The following FAR2 variants were observed in gnomAD, a reference collection of about 807,000 sequenced individuals.
FAR2 encodes epididymis secretory protein Li 81.
FAR2 carries 19 observed loss-of-function variants against 56.0 expected under a neutral mutation model. The observed-to-expected ratio is 0.34, with a 90% CI of 0.24 to 0.50. FAR2 has a LOEUF of 0.50. Among genes scored for constraint, FAR2 ranks in the 20% least tolerant of loss-of-function variants. FAR2 has a pLI of 0.98. For synonymous variants in FAR2, 219 were observed against 218.8 expected (o/e 1.00, Z -0.01); for missense variants, 508 against 642.2 (o/e 0.79, Z 2.26).
chr12:29,303,411 T>C (rs189730339), intron 4 of FAR2, among the ~76,000 whole-genome samples: 159 of 152,334 alleles, frequency 1.0e-3, no homozygotes, highest in African/African-American at 3.6e-3. Context: ...TTGCCTCCTG[T>C]TGTCTTTCAG....
At chr12:29,332,807 G>A (rs1220600437) in intron 11 of FAR2, 80 bp downstream of exon 11, 2 of 1,341,680 alleles carry the variant, frequency 1.5e-6, no homozygotes, top group East Asian at 5.0e-5. Context: ...TTTGTGCAGA[G>A]GAGAATGAAC....
chr12:29,309,271 A>G lies in FAR2; in HGVS notation c.768+41A>G, dbSNP rs376827133. ...AAGAAATAACTCCCTGAAATGTAGT[A>G]GAGAAATAGTAACAAAATTCTTAGT... On this transcript the variant is annotated intron_variant, in intron 6 of 11. Transcript: ENST00000536681. The G allele has an allele frequency of 1.9e-4, 286 of 1,471,530 alleles. 2 individuals are homozygous for G. Among genetic ancestry groups the G allele is most frequent in the Non-Finnish European group, 2.4e-4 (253 of 1,062,934 alleles). 91.2% of individuals were successfully genotyped at this position (1,471,530 alleles called of 1,614,324 possible).
chr12:29,326,818 A>T (rs1949655900), intron 10 of FAR2, among the ~76,000 whole-genome samples: 5 of 152,148 alleles, frequency 3.3e-5, no homozygotes, highest in Admixed American at 3.3e-4. Context: ...CAAAAACTGG[A>T]AGCATTCCCT....
At chr12:29,181,998 C>T (rs1949996794) in intron 1 of FAR2, among the ~76,000 whole-genome samples, 2 of 152,146 alleles carry the variant, frequency 1.3e-5, no homozygotes, top group South Asian at 4.1e-4. Context: ...TACATGTAAT[C>T]TTAGGAAAAT....
intron 2 of FAR2, among the ~76,000 whole-genome samples, chr12:29,274,523 T>C (rs1317998701): frequency 2.0e-5 from 3 of 152,110 alleles, no homozygotes; most frequent in Non-Finnish European, 2.9e-5. Flanking sequence ...TGTGTCTTTA[T>C]AGCAGCATGA....
At chr12:29,230,815 G>A (rs555019526) in intron 1 of FAR2, among the ~76,000 whole-genome samples, 5 of 152,270 alleles carry the variant, frequency 3.3e-5, no homozygotes, top group African/African-American at 1.2e-4. Flanking sequence ...CACTGAGATA[G>A]GGAGAATGGT....
rs1591908400 is a variant in FAR2 at position 29,265,254 on chromosome 12, T to A, written c.-38-5158T>A. On this transcript the variant is annotated intron_variant, in intron 1 of 11. Coordinates refer to ENST00000536681, the MANE Select transcript of FAR2 (RefSeq NM_001271783.2). ...GGCAAAAAGAATAAAACTGGAGGAA[T>A]CACATTGCCTGACTTCAAATTATAC... Among the ~76,000 whole-genome samples the A allele has an allele frequency of 5.3e-5, 8 of 152,258 alleles. 1 individual carries two copies. Among genetic ancestry groups the A allele is most frequent in the Admixed American group, 5.2e-4 (8 of 15,302 alleles).
chr12:29,184,228 A>G (rs906203523), intron 1 of FAR2, among the ~76,000 whole-genome samples: 23 of 152,142 alleles, frequency 1.5e-4, no homozygotes, highest in African/African-American at 4.1e-4. Context: ...ACAGAAATCA[A>G]TTTGAATCTG....
At chr12:29,158,559 A>C (rs900252276) in intron 1 of FAR2, among the ~76,000 whole-genome samples, 1 of 152,222 alleles carries the variant, frequency 6.6e-6, no homozygotes, top group Non-Finnish European at 1.5e-5. Context: ...GCCGGAGGCA[A>C]TGGTTATGCA....
intron 1 of FAR2, among the ~76,000 whole-genome samples, chr12:29,264,616 A>AAAATAAATAAATAAATAAATAAAT (rs148784734): frequency 7.7e-6 from 1 of 130,090 alleles, no homozygotes; most frequent in Admixed American, 7.8e-5. Flanking sequence ...ATCCTGTCTC[A>AAAATAAATAAATAAATAAATAAAT]AAATAAATAA....
At chr12:29,290,868 G>A (rs958448322) in intron 2 of FAR2, among the ~76,000 whole-genome samples, 12 of 152,308 alleles carry the variant, frequency 7.9e-5, no homozygotes, top group African/African-American at 2.6e-4. Context: ...GCAAGTGGGA[G>A]GGGGTGGATG....
intron 1 of FAR2, among the ~76,000 whole-genome samples, chr12:29,160,055 T>C (rs1337531145): frequency 6.6e-6 from 1 of 152,226 alleles, no homozygotes; most frequent in Non-Finnish European, 1.5e-5. Context: ...AGTACAGGCA[T>C]TGTCTGATGA....
At chr12:29,208,749 T>C (rs1947506397) in intron 1 of FAR2, among the ~76,000 whole-genome samples, 1 of 152,158 alleles carries the variant, frequency 6.6e-6, no homozygotes, top group South Asian at 2.1e-4. Context: ...AAGTGAGAGA[T>C]GTTTACAACA....
chr12:29,247,777 C>G (rs1014703808), intron 1 of FAR2, among the ~76,000 whole-genome samples: 2 of 152,160 alleles, frequency 1.3e-5, no homozygotes, highest in African/African-American at 4.8e-5. Flanking sequence ...ATAGGAGTGG[C>G]AGAAGAAATG....
chr12:29,194,912 G>T (rs1458133769), intron 1 of FAR2, among the ~76,000 whole-genome samples: 1 of 152,094 alleles, frequency 6.6e-6, no homozygotes, highest in Non-Finnish European at 1.5e-5. Context: ...GAAAAAGATT[G>T]TTTAGTTAAC....
intron 1 of FAR2, among the ~76,000 whole-genome samples, chr12:29,240,812 T>C (rs1340884149): frequency 8.7e-5 from 13 of 149,904 alleles, no homozygotes; most frequent in Admixed American, 2.6e-4. Flanking sequence ...TTTTTTTTTA[T>C]ATATTTTTTT....
At chr12:29,268,548 C>G (rs892202493) in intron 1 of FAR2, among the ~76,000 whole-genome samples, 2 of 152,212 alleles carry the variant, frequency 1.3e-5, no homozygotes, top group African/African-American at 4.8e-5. Flanking sequence ...TCAGGGCACA[C>G]CAAAACCTGT....
chr12:29,178,334 C>T (rs989122280), intron 1 of FAR2, among the ~76,000 whole-genome samples: 2 of 152,150 alleles, frequency 1.3e-5, no homozygotes, highest in East Asian at 3.8e-4. Context: ...TGGCTCATAC[C>T]TGTAATTCCA....
At chr12:29,191,577 T>C (rs930614908) in intron 1 of FAR2, among the ~76,000 whole-genome samples, 1 of 152,236 alleles carries the variant, frequency 6.6e-6, no homozygotes, top group Non-Finnish European at 1.5e-5. Flanking sequence ...CCAAAACTTG[T>C]ACTTGACAGA....
Sources: gnomAD v4.1 joint callset for allele counts (sites outside exome capture counted in the v4.1 genomes callset) on GRCh38, gnomAD v4.1.1 for gene constraint, MANE v1.5 for transcripts, NCBI Gene and HGNC (gene_info 2026-07-23, HGNC 2026-07-21) for gene names.